The following PAFAH2 variants were observed in gnomAD, a reference collection of about 807,000 sequenced individuals.
PAFAH2 encodes platelet-activating factor acetylhydrolase 2, cytoplasmic.
Under a neutral mutation model 49.0 loss-of-function variants are expected in PAFAH2, and 42 were observed. The observed-to-expected ratio is 0.86, with a 90% confidence interval of 0.67 to 1.11. PAFAH2 has a LOEUF of 1.11. Among genes scored for constraint, PAFAH2 ranks in the 50% least tolerant of loss-of-function variants. The pLI, the probability that PAFAH2 is intolerant of heterozygous loss-of-function variation, is 0.00. For missense variants in PAFAH2, 503 were observed against 501.8 expected (o/e 1.00, Z -0.02); for synonymous variants, 184 against 181.3 (o/e 1.01, Z -0.12).
rs142650266 is a variant in PAFAH2, at chr1:25,972,558, C to G, written c.1084G>C (p.Asp362His). 6.2e-5 allele frequency: 100 copies of G among 1,613,264 alleles called. No homozygotes were observed. The highest frequency in any genetic ancestry group is 7.8e-5 in the Non-Finnish European group (92 of 1,179,424). ...CCAAGAGCCCCAGTTTTCTCCTTAC[C>G]GAGGTGCTTCTGCAGGAAGGCCAAC... ...AMLAFLQKHL[D>H]LKEDYNQWNN... The change falls in exon 10 of 11, where the codon GAC becomes CAC. Residue 362 changes from aspartate (D) to histidine (H), a missense_variant and splice_region_variant. Transcript: ENST00000374282.
intron 7 of PAFAH2, among the ~76,000 whole-genome samples, chr1:25,977,179 C>A (rs1195784343): frequency 1.3e-5 from 2 of 150,906 alleles, no homozygotes; most frequent in Non-Finnish European, 1.5e-5. Context: ...CCCGCTACCA[C>A]GCCCGGCTAA....
rs751094564 is a variant in PAFAH2, at chr1:25,961,956, G to A, written c.*33C>T. The A allele has an allele frequency of 6.4e-7, 1 of 1,560,202 alleles. No homozygotes were observed. Among genetic ancestry groups the A allele is most frequent in the African/African-American group, 1.4e-5 (1 of 73,662 alleles). On this transcript the variant is annotated 3_prime_UTR_variant, in exon 11 of 11. Coordinates refer to ENST00000374282, the MANE Select transcript of PAFAH2 (RefSeq NM_000437.4). Reference sequence around the variant, plus strand: ...TTGGGTAGCTCCCAAATGAAAACTTGGCTGAAGTGACTTTACAAATGGCCA... The same window carrying A: ...TTGGGTAGCTCCCAAATGAAAACTTAGCTGAAGTGACTTTACAAATGGCCA...
In PAFAH2 at chr1:25,961,118, A is replaced by C. The variant is rs1456159596; in HGVS notation, c.*871T>G. ...ACCACGCCCAGCCTTCTTTATTTTTAAGATGGGGTCTCGCTCTACTGTCCA... is the reference window on the plus strand; with the variant it reads ...ACCACGCCCAGCCTTCTTTATTTTTCAGATGGGGTCTCGCTCTACTGTCCA... On this transcript the variant is annotated 3_prime_UTR_variant, in exon 11 of 11. Coordinates refer to ENST00000374282, the MANE Select transcript of PAFAH2 (RefSeq NM_000437.4). 4 of 152,184 alleles carry C rather than the reference A, an allele frequency of 2.6e-5. No individual in the cohort carries two copies. Among genetic ancestry groups the C allele is most frequent in the Admixed American group, 2.0e-4 (3 of 15,244 alleles). 9.4% of individuals were successfully genotyped at this position (152,184 alleles called of 1,614,324 possible). A position where few individuals can be genotyped will look rare whatever the true frequency, so the allele number is the denominator to read the frequency against.
At chr1:25,989,659 C>T (rs988084846) in intron 2 of PAFAH2, 58 bp from the exon 3 acceptor site, 3 of 1,342,744 alleles carry the variant, frequency 2.2e-6, no homozygotes, top group African/African-American at 1.5e-5. Flanking sequence ...GATTTCCCAA[C>T]AGCCACACTC....
At chr1:25,963,426 A>C (rs2049370527) in intron 10 of PAFAH2, among the ~76,000 whole-genome samples, 1 of 152,202 alleles carries the variant, frequency 6.6e-6, no homozygotes, top group East Asian at 1.9e-4. Context: ...CATGGAAAAA[A>C]AATAGAGCCC....
Position 25,961,710 on chromosome 1 carries a change from G to T in PAFAH2, c.*279C>A, listed in dbSNP as rs1456775122. 1 of 314,460 alleles carries T rather than the reference G, an allele frequency of 3.2e-6. No homozygotes were observed. Among genetic ancestry groups the T allele is most frequent in the East Asian group, 6.0e-5 (1 of 16,762 alleles). The allele number at this position is 314,460 out of a possible 1,614,324, so 19.5% of individuals were successfully genotyped here. A position where few individuals can be genotyped will look rare whatever the true frequency, so the allele number is the denominator to read the frequency against. ...CAGGCCTCACAGTGCTCAGCCCGGG[G>T]CCTGGGTCTCCCCCAGTCCCACTCT... On this transcript the variant is annotated 3_prime_UTR_variant, in exon 11 of 11. Coordinates refer to ENST00000374282, the MANE Select transcript of PAFAH2 (RefSeq NM_000437.4).
chr1:25,962,100 CA>C lies in PAFAH2; in HGVS notation c.1085-18del. 6.3e-7 allele frequency: 1 copy of C among 1,589,042 alleles called. No homozygotes were observed. On this transcript the variant is annotated intron_variant, in intron 10 of 10. Coordinates refer to ENST00000374282, the MANE Select transcript of PAFAH2 (RefSeq NM_000437.4). ...CTTTCAGGTCTGAAAAGGAAAAAAACAGGAACATTAGGCAAATCATTGTGAG... is the reference window on the plus strand; with the variant it reads ...CTTTCAGGTCTGAAAAGGAAAAAAACGGAACATTAGGCAAATCATTGTGAG...
intron 10 of PAFAH2, 49 bp from the exon 11 acceptor site, chr1:25,962,132 G>A (rs1168917679): frequency 6.8e-7 from 1 of 1,474,206 alleles, no homozygotes; most frequent in Non-Finnish European, 9.5e-7. Context: ...GTGAGGTTTG[G>A]TCAAAGAGTA....
chr1:25,975,743 G>C (rs747629342), intron 8 of PAFAH2, among the ~76,000 whole-genome samples: 5 of 152,148 alleles, frequency 3.3e-5, no homozygotes, highest in Non-Finnish European at 5.9e-5. Context: ...CTCTGAAACA[G>C]AATCTCTCTA....
chr1:25,983,968 T>C lies in PAFAH2; in HGVS notation c.530A>G (p.Glu177Gly). ...TACCTGGGGATTCCGAACATGAAAT[T>C]CCTTCTCCCCTTCCTCAACTCGACG... is the stretch of plus-strand genomic sequence containing the variant. ...PFRRVEEGEK[E>G]FHVRNPQVHQ... Residue 177 changes from glutamate (E) to glycine (G), a missense_variant, in exon 6 of 11, where the codon GAA becomes GGA. Transcript: ENST00000374282. 6.2e-7 allele frequency: 1 copy of C among 1,614,156 alleles called. No individual in the cohort carries two copies. The highest frequency in any genetic ancestry group is 8.5e-7 in the Non-Finnish European group (1 of 1,180,024).
At chr1:25,993,862 G>A (rs1484441850) in intron 1 of PAFAH2, among the ~76,000 whole-genome samples, 1 of 152,154 alleles carries the variant, frequency 6.6e-6, no homozygotes, top group Non-Finnish European at 1.5e-5. Context: ...GACCACAGGA[G>A]TTCTGAGAAG....
In PAFAH2 at chr1:25,982,096, T is replaced by G. The variant is rs574559371; in HGVS notation, c.666+268A>C. 1.1e-4 allele frequency among the ~76,000 whole-genome samples: 16 copies of G among 151,552 alleles called. No individual in the cohort carries two copies. In the South Asian group the frequency reaches 3.2e-3, roughly 30 times the overall value. On this transcript the variant is annotated intron_variant, in intron 7 of 10. Coordinates refer to ENST00000374282, the MANE Select transcript of PAFAH2 (RefSeq NM_000437.4). The stretch of plus-strand genomic sequence containing the variant: ...TTGAACTGCTAGCGACCACCTTTCT[T>G]GCCTAAAGGAGAGAGTCTGGTGAGA...
chr1:25,979,842 T>C (rs745959579), intron 7 of PAFAH2, among the ~76,000 whole-genome samples: 1 of 152,204 alleles, frequency 6.6e-6, no homozygotes, highest in African/African-American at 2.4e-5. Context: ...GCCAGGCTGG[T>C]ATCGAACTCC....
At position 25,989,584 on chromosome 1, in the gene PAFAH2, G is replaced by A; in HGVS notation, c.108C>T (p.Leu36=). 1 of 1,590,902 alleles carries A rather than the reference G, an allele frequency of 6.3e-7. No homozygotes were observed. The highest frequency in any genetic ancestry group is 8.6e-7 in the Non-Finnish European group (1 of 1,169,448). Residue 36 remains leucine, a synonymous_variant, in exon 3 of 11, where the codon CTC becomes CTT. Transcript: ENST00000374282. ...GQNLQGSFFR[L]FYPCQKAEET... ...CCTCTGCCTTTTGGCAGGGGTAGAA[G>A]AGTCGAAAGAAGCTCCCCTGTAGGA...
In PAFAH2 at chr1:25,965,302, A is replaced by G. The variant is rs113617627; in HGVS notation, c.1085-3219T>C. On this transcript the variant is annotated intron_variant, in intron 10 of 10. Transcript: ENST00000374282. ...AGACTTAAACATAAGACTTGAAACT[A>G]TAAAAATCCTAGAAGAAAAACTCTT... 2.0e-3 allele frequency among the ~76,000 whole-genome samples: 306 copies of G among 152,348 alleles called. 2 individuals carry two copies. Among genetic ancestry groups the G allele is most frequent in the African/African-American group, 7.2e-3 (298 of 41,578 alleles).
chr1:25,977,190 T>G (rs1439852361), intron 7 of PAFAH2, among the ~76,000 whole-genome samples: 4 of 150,670 alleles, frequency 2.7e-5, no homozygotes, highest in African/African-American at 9.8e-5. Context: ...GCCCGGCTAA[T>G]TTTTTGTATT....
intron 1 of PAFAH2, among the ~76,000 whole-genome samples, chr1:25,997,220 C>T (rs576864295): frequency 6.6e-6 from 1 of 152,302 alleles, no homozygotes; most frequent in South Asian, 2.1e-4. Flanking sequence ...GACCTTTGGT[C>T]TCTGGAGGAA....
Position 25,984,865 on chromosome 1 carries a change from T to G in PAFAH2, c.342-337A>C, listed in dbSNP as rs536411420. ...GATTTCTTTTTTTTTTTTTTTTTTT[T>G]TGAGACAGAGTCTCGCTCTGTTGCC... On this transcript the variant is annotated intron_variant, in intron 4 of 10. Transcript: ENST00000374282. 5.8e-3 allele frequency among the ~76,000 whole-genome samples: 867 copies of G among 148,500 alleles called. 3 individuals carry two copies. Among genetic ancestry groups the G allele is most frequent in the Non-Finnish European group, 8.7e-3 (587 of 67,372 alleles).
chr1:25,992,939 T>C (rs957413766), intron 1 of PAFAH2, among the ~76,000 whole-genome samples: 1 of 152,230 alleles, frequency 6.6e-6, no homozygotes, highest in African/African-American at 2.4e-5. Context: ...ATTTCCTGTG[T>C]TGGACTAGTG....
Sources: allele counts gnomAD v4.1 joint callset (sites outside exome capture counted in the v4.1 genomes callset), GRCh38; gene constraint gnomAD v4.1.1; transcripts MANE v1.5; gene names NCBI Gene and HGNC (gene_info 2026-07-23, HGNC 2026-07-21).